The following SMYD3 variants were observed in gnomAD, a reference collection of about 807,000 sequenced individuals.
SMYD3 encodes the protein histone-lysine N-methyltransferase SMYD3.
SMYD3 carries 36 observed loss-of-function variants against 57.7 expected under a neutral mutation model. The observed-to-expected ratio is 0.62, with a 90% CI of 0.48 to 0.82. SMYD3 has a LOEUF of 0.82. SMYD3 is among the 40% of genes least tolerant of loss of function. The probability of loss-of-function intolerance (pLI) is 0.00; values close to 1 mark genes in which losing one functional copy is unlikely to be tolerated. For synonymous variants in SMYD3, 211 were observed against 195.0 expected, an observed-to-expected ratio of 1.08 and a Z score of -0.68; for missense variants, 515 against 538.8, an observed-to-expected ratio of 0.96 and a Z score of 0.44.
chr1:246,363,949 A>G (rs1463591566), intron 1 of SMYD3, among the ~76,000 whole-genome samples: 6 of 152,208 alleles, frequency 3.9e-5, no homozygotes, highest in African/African-American at 7.2e-5. Context: ...AGGAAAAAGA[A>G]AAAAAGAGAG....
At chr1:246,067,068 T>C (rs2148370108) in intron 5 of SMYD3, among the ~76,000 whole-genome samples, 1 of 152,150 alleles carries the variant, frequency 6.6e-6, no homozygotes, top group Non-Finnish European at 1.5e-5. Context: ...GCTGGTAGAG[T>C]CCTTTTGAAG....
At chr1:246,148,016 C>G (rs972398607) in intron 5 of SMYD3, among the ~76,000 whole-genome samples, 1 of 152,060 alleles carries the variant, frequency 6.6e-6, no homozygotes, top group Non-Finnish European at 1.5e-5. Context: ...GGGCCGAGCC[C>G]GGGGCAGCAG....
chr1:245,929,992 A>G, intron 5 of SMYD3, 55 bp from the exon 6 acceptor site: 1 of 1,493,152 alleles, frequency 6.7e-7, no homozygotes, highest in Non-Finnish European at 9.3e-7. Context: ...GAAACTTCAT[A>G]GCCAAGAGAA....
At chr1:246,248,461 G>T (rs1262355112) in intron 5 of SMYD3, among the ~76,000 whole-genome samples, 1 of 151,970 alleles carries the variant, frequency 6.6e-6, no homozygotes, top group African/African-American at 2.4e-5. Context: ...CAGGTCGTTT[G>T]TTCCCATTAT....
At chr1:246,293,524 T>TTGCAGACA (rs2064735897) in intron 5 of SMYD3, among the ~76,000 whole-genome samples, 1 of 152,180 alleles carries the variant, frequency 6.6e-6, no homozygotes, top group Admixed American at 6.5e-5. Flanking sequence ...GCTTCCACTT[T>TTGCAGACA]TGCAGACATG....
chr1:245,773,814 C>T (rs2046431791), intron 10 of SMYD3, among the ~76,000 whole-genome samples: 1 of 152,172 alleles, frequency 6.6e-6, no homozygotes, highest in Admixed American at 6.5e-5. Flanking sequence ...TGCATTTATT[C>T]TGTATAGTCT....
At chr1:246,360,282 T>C (rs2065967726) in intron 1 of SMYD3, among the ~76,000 whole-genome samples, 1 of 152,024 alleles carries the variant, frequency 6.6e-6, no homozygotes, top group East Asian at 1.9e-4. Flanking sequence ...AAGACCTCTA[T>C]AAGGAAAACT....
intron 5 of SMYD3, among the ~76,000 whole-genome samples, chr1:245,990,774 G>A (rs527315441): frequency 6.6e-6 from 1 of 152,336 alleles, no homozygotes; most frequent in East Asian, 1.9e-4. Flanking sequence ...AGTCCAGTGG[G>A]ACTCATGTCG....
At chr1:246,343,626 G>A (rs1415971751) in intron 2 of SMYD3, among the ~76,000 whole-genome samples, 1 of 152,184 alleles carries the variant, frequency 6.6e-6, no homozygotes, top group Non-Finnish European at 1.5e-5. Context: ...TTAACCACAA[G>A]TCTGTATGCC....
At chr1:245,895,038 A>G (rs949285417) in intron 8 of SMYD3, among the ~76,000 whole-genome samples, 1 of 152,240 alleles carries the variant, frequency 6.6e-6, no homozygotes, top group African/African-American at 2.4e-5. Flanking sequence ...CAAGGCAAAC[A>G]CAATAGCTAC....
At chr1:246,176,661 C>T (rs1395546136) in intron 5 of SMYD3, among the ~76,000 whole-genome samples, 1 of 152,128 alleles carries the variant, frequency 6.6e-6, no homozygotes, top group African/African-American at 2.4e-5. Context: ...TAGCTGGGCC[C>T]ACAGGTGCGT....
chr1:246,444,205 A>C (rs1346880776), intron 1 of SMYD3, among the ~76,000 whole-genome samples: 1 of 150,302 alleles, frequency 6.7e-6, no homozygotes, highest in Non-Finnish European at 1.5e-5. Context: ...CCGCTCACTG[A>C]AACCTCCGCC....
At chr1:245,972,218 G>A (rs557202001) in intron 5 of SMYD3, among the ~76,000 whole-genome samples, 6 of 152,268 alleles carry the variant, frequency 3.9e-5, no homozygotes, top group South Asian at 4.2e-4. Flanking sequence ...ATTTTCATTC[G>A]GATACCAAGT....
intron 5 of SMYD3, among the ~76,000 whole-genome samples, chr1:246,155,006 C>T (rs991983279): frequency 8.5e-5 from 13 of 152,192 alleles, no homozygotes; most frequent in African/African-American, 2.9e-4. Flanking sequence ...TGGTCTCGAG[C>T]TCCTGACCTT....
intron 5 of SMYD3, among the ~76,000 whole-genome samples, chr1:246,237,845 T>C (rs12144664): frequency 0.21 from 31,521 of 152,056 alleles, 3,984 homozygotes; most frequent in East Asian, 0.58. Flanking sequence ...CCTGCAGTTG[T>C]TTTACCTGCT....
intron 5 of SMYD3, among the ~76,000 whole-genome samples, chr1:246,070,885 CTATT>C (rs1198710871): frequency 2.6e-5 from 4 of 152,138 alleles, no homozygotes; most frequent in African/African-American, 9.7e-5. Flanking sequence ...TATTTAAAAG[CTATT>C]TATCTCTTAG....
Position 246,232,568 on chromosome 1 carries a change from T to C in SMYD3, c.531+94633A>G, listed in dbSNP as rs537117357. On this transcript the variant is annotated intron_variant, in intron 5 of 11. Coordinates refer to ENST00000490107, the MANE Select transcript of SMYD3 (RefSeq NM_001167740.2). ...ATACCACACAGAGGAGAAGCGCTCCTCAATTCACACTGTGATGAACATATA... is the reference window on the plus strand; with the variant it reads ...ATACCACACAGAGGAGAAGCGCTCCCCAATTCACACTGTGATGAACATATA... Among the ~76,000 whole-genome samples the C allele has an allele frequency of 5.2e-4, 74 of 143,470 alleles. 1 individual carries two copies. Among genetic ancestry groups the C allele is most frequent in the African/African-American group, 1.8e-3 (72 of 38,944 alleles). The allele number at this position is 143,470 out of a possible 152,430, so 94.1% of individuals were successfully genotyped here.
At chr1:245,932,707 C>A (rs1286448015) in intron 5 of SMYD3, among the ~76,000 whole-genome samples, 1 of 152,154 alleles carries the variant, frequency 6.6e-6, no homozygotes, top group Non-Finnish European at 1.5e-5. Flanking sequence ...TACAGGCTGG[C>A]ACCACCACCT....
intron 9 of SMYD3, among the ~76,000 whole-genome samples, 192 bp from the exon 10 acceptor site, chr1:245,858,862 C>A (rs1274714159): frequency 2.0e-5 from 3 of 152,162 alleles, no homozygotes; most frequent in African/African-American, 7.2e-5. Flanking sequence ...GAAGTGAATT[C>A]TGTTTACATC....
Sources: gnomAD v4.1 joint callset for allele counts (sites outside exome capture counted in the v4.1 genomes callset) on GRCh38, gnomAD v4.1.1 for gene constraint, MANE v1.5 for transcripts, NCBI Gene and HGNC (gene_info 2026-07-23, HGNC 2026-07-21) for gene names.